Variants in THRAP3 observed in about 807,000 individuals in gnomAD.
THRAP3 encodes thyroid hormone receptor-associated protein 3.
A neutral mutation model predicts 101.0 loss-of-function variants in THRAP3; 16 were observed. That is an observed-to-expected ratio of 0.16 (90% confidence interval 0.11 to 0.24). The LOEUF is 0.24. Ranked by LOEUF, THRAP3 falls within the 10% of genes least tolerant of loss-of-function variation. The pLI is 1.00. For missense variants in THRAP3, 989 were observed against 1,202.7 expected, an observed-to-expected ratio of 0.82 and a Z score of 2.63; for synonymous variants, 407 against 422.6, an observed-to-expected ratio of 0.96 and a Z score of 0.45.
the THRAP3 span, among the ~76,000 whole-genome samples, chr1:36,218,742 G>T: frequency 0.025 from 3,757 of 148,880 alleles, 165 homozygotes; most frequent in African/African-American, 0.087. Flanking sequence ...GAAATTAAAA[G>T]TGCAACTCCA....
At chr1:36,213,305 G>C in the THRAP3 span, among the ~76,000 whole-genome samples, 1 of 152,074 alleles carries the variant, frequency 6.6e-6, no homozygotes, top group African/African-American at 2.4e-5. Flanking sequence ...TGCTTGGATG[G>C]AGAGAGAGGC....
chr1:36,228,158 C>T (rs763013614), intron 1 of THRAP3, among the ~76,000 whole-genome samples: 3 of 151,832 alleles, frequency 2.0e-5, no homozygotes, highest in Admixed American at 6.6e-5. Flanking sequence ...GCAGTTCTCC[C>T]TGCCTTAGCC....
intron 8 of THRAP3, among the ~76,000 whole-genome samples, chr1:36,294,963 C>G (rs1270132081): frequency 6.6e-6 from 1 of 152,148 alleles, no homozygotes; most frequent in Non-Finnish European, 1.5e-5. Context: ...GTGGCTCAAG[C>G]CTGTAATCCC....
At chr1:36,220,873 T>G (rs1004390580), upstream of THRAP3, among the ~76,000 whole-genome samples, 4 of 147,450 alleles carry the variant, frequency 2.7e-5, no homozygotes, top group African/African-American at 1.0e-4. Context: ...GAGGATCGCT[T>G]GAACCCGGGG....
intron 2 of THRAP3, among the ~76,000 whole-genome samples, chr1:36,270,822 C>G (rs569258319): frequency 1.3e-5 from 2 of 152,202 alleles, no homozygotes; most frequent in South Asian, 4.1e-4. Context: ...GGTGATCCGC[C>G]TGCCTCGGAC....
intron 9 of THRAP3, among the ~76,000 whole-genome samples, chr1:36,299,571 G>C (rs548980689): frequency 6.6e-6 from 1 of 150,812 alleles, no homozygotes; most frequent in African/African-American, 2.4e-5. Flanking sequence ...TATGATCTCG[G>C]CTCACTGCAA....
chr1:36,256,439 A>G (rs1356353596), intron 1 of THRAP3, among the ~76,000 whole-genome samples: 2 of 151,468 alleles, frequency 1.3e-5, no homozygotes, highest in Non-Finnish European at 2.9e-5. Flanking sequence ...GTTAGCCAGG[A>G]TGGTCTCCAT....
At chr1:36,243,923 G>T (rs1241125402) in intron 1 of THRAP3, among the ~76,000 whole-genome samples, 1 of 135,858 alleles carries the variant, frequency 7.4e-6, no homozygotes, top group Non-Finnish European at 1.6e-5. Context: ...CGGGCGGGGG[G>T]CTGACCCCCC....
intron 1 of THRAP3, among the ~76,000 whole-genome samples, chr1:36,229,402 T>G (rs1251518980): frequency 5.1e-5 from 2 of 39,514 alleles, no homozygotes; most frequent in Admixed American, 3.5e-4. Context: ...GGTCTACAGT[T>G]TTTTTTTTTG....
intron 9 of THRAP3, among the ~76,000 whole-genome samples, chr1:36,297,905 G>A (rs528758827): frequency 2.0e-5 from 3 of 151,438 alleles, no homozygotes; most frequent in African/African-American, 7.2e-5. Context: ...CCAGCACTTT[G>A]GGAGGCCGAG....
chr1:36,294,673 C>T lies in THRAP3; in HGVS notation c.2115+738C>T, dbSNP rs376502415. Among the ~76,000 whole-genome samples the T allele has an allele frequency of 1.1e-4, 16 of 152,254 alleles. 2 individuals carry two copies. The highest frequency in any genetic ancestry group is 3.4e-4 in the African/African-American group (14 of 41,526). On this transcript the variant is annotated intron_variant, in intron 8 of 11. Transcript: ENST00000354618. ...TTTGTTGGTTGAATGTGATGAGAGG[C>T]GCTTCTGGGCAGTCTCTCTTCTCTC...
intron 2 of THRAP3, among the ~76,000 whole-genome samples, chr1:36,262,871 A>T (rs1296875890): frequency 4.2e-5 from 6 of 141,520 alleles, no homozygotes; most frequent in Non-Finnish European, 9.2e-5. Context: ...TCGGCTCACT[A>T]CAAGTCCACC....
intron 1 of THRAP3, among the ~76,000 whole-genome samples, chr1:36,258,603 G>C (rs1645405316): frequency 6.6e-6 from 1 of 152,142 alleles, no homozygotes; most frequent in Non-Finnish European, 1.5e-5. Context: ...AGCCTCCTGA[G>C]TAGCTGAGAC....
At chr1:36,284,011 A>C (rs1265646002) in intron 3 of THRAP3, among the ~76,000 whole-genome samples, 1 of 152,208 alleles carries the variant, frequency 6.6e-6, no homozygotes, top group Non-Finnish European at 1.5e-5. Context: ...CTGTACCCAG[A>C]ATCTTGATTT....
chr1:36,286,942 G>T lies in THRAP3; in HGVS notation c.712G>T (p.Ala238Ser). 1 of 1,614,256 alleles carries T rather than the reference G, an allele frequency of 6.2e-7. No homozygotes were observed. The highest frequency in any genetic ancestry group is 8.5e-7 in the Non-Finnish European group (1 of 1,180,048). The change falls in exon 4 of 12, where the codon GCA becomes TCA. Residue 238 changes from alanine to serine, a missense_variant. By Grantham distance (99) the Ala-to-Ser change is moderately conservative. Transcript: ENST00000354618. This position sits in a 1 kb window ranked among gnomAD's most constrained non-coding sequence, Gnocchi z 5.5. ...CACTGGTTCTGCATCACGGGCCTCA[G>T]CAGTTTCTGAGCTGAGTCCTCGGGA... The part of the protein sequence containing the change: ...YGTGSASRAS[A>S]VSELSPRERS...
intron 9 of THRAP3, among the ~76,000 whole-genome samples, chr1:36,297,283 TTGTG>T (rs1263841568): frequency 6.6e-6 from 1 of 152,136 alleles, no homozygotes; most frequent in East Asian, 1.9e-4. Context: ...TTGTTGAACT[TTGTG>T]TGGCAACATT....
chr1:36,253,029 T>G (rs749733838), intron 1 of THRAP3, among the ~76,000 whole-genome samples: 122 of 148,580 alleles, frequency 8.2e-4, no homozygotes, highest in Non-Finnish European at 1.2e-3. Flanking sequence ...GAATTCTGCT[T>G]TTGGGGAGTA....
At chr1:36,288,512 C>G in intron 4 of THRAP3, 1 of 985,432 alleles carries the variant, frequency 1.0e-6, no homozygotes, top group Non-Finnish European at 1.2e-6. Context: ...ACCCTCTCCC[C>G]CATTAACATG....
chr1:36,287,888 ATCTT>A (rs1307977381), intron 4 of THRAP3: 1 of 985,282 alleles, frequency 1.0e-6, no homozygotes, highest in African/African-American at 1.7e-5. Flanking sequence ...TGGAACATGA[ATCTT>A]TGTTTGTATG....
Sources: allele counts gnomAD v4.1 joint callset (sites outside exome capture counted in the v4.1 genomes callset), GRCh38; gene constraint gnomAD v4.1.1; non-coding constraint Gnocchi (gnomAD v3.1); transcripts MANE v1.5; gene names NCBI Gene and HGNC (gene_info 2026-07-23, HGNC 2026-07-21).